Variants in LPAR6 observed in about 807,000 individuals in gnomAD.
LPAR6 encodes the protein G-protein coupled purinergic receptor P2Y5.
A neutral mutation model predicts 22.0 loss-of-function variants in LPAR6; 17 were observed. That is an observed-to-expected ratio of 0.77 (90% CI 0.53 to 1.16). The LOEUF (loss-of-function observed/expected upper bound fraction) is 1.16, where lower values mean the gene tolerates loss of function less well. Ranked by LOEUF, LPAR6 falls within the 50% of genes most tolerant of loss-of-function variation. The probability of loss-of-function intolerance (pLI) is 0.00; values close to 1 mark genes in which losing one functional copy is unlikely to be tolerated. For missense variants in LPAR6, 384 were observed against 406.9 expected (o/e 0.94, Z 0.48); for synonymous variants, 136 against 139.8 (o/e 0.97, Z 0.19).
downstream of LPAR6, among the ~76,000 whole-genome samples, chr13:48,409,570 A>ATT (rs5803435): frequency 6.7e-3 from 399 of 59,692 alleles, 53 homozygotes; most frequent in African/African-American, 0.023. Flanking sequence ...GAACTGCTTG[A>ATT]TTTTTTTTTT....
chr13:48,404,442 GA>G (rs11307004), intron 1 of LPAR6, among the ~76,000 whole-genome samples: 136,242 of 151,096 alleles, frequency 0.9, 62,549 homozygotes, highest in East Asian at 1. Flanking sequence ...AAAAAGAACA[GA>G]AAAAAAAAAT....
chr13:48,438,493 C>A (rs1949205509), intron 1 of LPAR6, among the ~76,000 whole-genome samples: 1 of 152,046 alleles, frequency 6.6e-6, no homozygotes, highest in South Asian at 2.1e-4. Context: ...TTTCATGGCA[C>A]CCTGTGTATT....
chr13:48,416,692 ACT>A (rs1240599621), upstream of LPAR6: 1 of 152,078 alleles, frequency 6.6e-6, no homozygotes, highest in Non-Finnish European at 1.5e-5. Context: ...CTGGCTTGAA[ACT>A]CTTACTGCCA....
At chr13:48,425,904 A>T (rs1047079618) in intron 1 of LPAR6, among the ~76,000 whole-genome samples, 7 of 152,220 alleles carry the variant, frequency 4.6e-5, no homozygotes, top group Non-Finnish European at 8.8e-5. Context: ...AGAAGTTGTG[A>T]CTTGCTTAGG....
chr13:48,413,476 A>T (rs74942095), upstream of LPAR6, among the ~76,000 whole-genome samples: 202 of 152,298 alleles, frequency 1.3e-3, no homozygotes, highest in African/African-American at 4.8e-3. Context: ...ATGGGTGTGT[A>T]TTTATAAATT....
upstream of LPAR6, among the ~76,000 whole-genome samples, chr13:48,414,210 A>C (rs2138212026): frequency 6.6e-6 from 1 of 152,142 alleles, no homozygotes; most frequent in Middle Eastern, 3.4e-3. Context: ...AGCCTAGGGC[A>C]ATAGTGCGTG....
chr13:48,411,328 A>G lies in LPAR6; in HGVS notation c.*61T>C. ...GTGGAAAAATAGTTTGTCCAAAAAGACACTTTTCACAGTTGAAGGAACTTG... is the reference window on the plus strand; with the variant it reads ...GTGGAAAAATAGTTTGTCCAAAAAGGCACTTTTCACAGTTGAAGGAACTTG... On this transcript the variant is annotated 3_prime_UTR_variant, in exon 1 of 1. Coordinates refer to ENST00000620633, the MANE Select transcript of LPAR6 (RefSeq NM_001162498.3). 7.5e-7 allele frequency: 1 copy of G among 1,340,864 alleles called. No individual in the cohort carries two copies. The highest frequency in any genetic ancestry group is 1.1e-6 in the Non-Finnish European group (1 of 938,334). The allele number at this position is 1,340,864 out of a possible 1,614,324, so 83.1% of individuals were successfully genotyped here.
At position 48,411,205 on chromosome 13, in the gene LPAR6, A is replaced by T. The variant is rs1948793412; in HGVS notation, c.*184T>A. 5.4e-6 allele frequency: 3 copies of T among 552,214 alleles called. No homozygotes were observed. The East Asian group carries it at 8.8e-5, about 16-fold the overall frequency. The allele number at this position is 552,214 out of a possible 1,614,324, so 34.2% of individuals were successfully genotyped here. A position where few individuals can be genotyped will look rare whatever the true frequency, so the allele number is the denominator to read the frequency against. On this transcript the variant is annotated 3_prime_UTR_variant, in exon 1 of 1. Transcript: ENST00000620633. ...GGCTCAGAAAAATCAGATGGAGTGGATACACAAATAAAATACATGTTAATG... is the reference window on the plus strand; with the variant it reads ...GGCTCAGAAAAATCAGATGGAGTGGTTACACAAATAAAATACATGTTAATG...
intron 1 of LPAR6, among the ~76,000 whole-genome samples, chr13:48,443,679 T>G (rs912699414): frequency 1.1e-4 from 16 of 152,222 alleles, no homozygotes; most frequent in African/African-American, 3.6e-4. Context: ...GTCAGTTTAG[T>G]GTTCAGGGCA....
chr13:48,396,578 T>C (rs1019819559), intron 1 of LPAR6, among the ~76,000 whole-genome samples: 2 of 152,278 alleles, frequency 1.3e-5, no homozygotes, highest in Non-Finnish European at 2.9e-5. Flanking sequence ...ATTCAGGACA[T>C]AGGCATGGGC....
chr13:48,392,205 G>T (rs1386001177), intron 1 of LPAR6, among the ~76,000 whole-genome samples: 1 of 151,974 alleles, frequency 6.6e-6, no homozygotes, highest in Non-Finnish European at 1.5e-5. Context: ...CTGCCTCCCA[G>T]GTTCAAGCGA....
At chr13:48,433,313 T>C (rs566382891) in intron 1 of LPAR6, among the ~76,000 whole-genome samples, 1 of 152,310 alleles carries the variant, frequency 6.6e-6, no homozygotes, top group East Asian at 1.9e-4. Flanking sequence ...TTTTAAAACA[T>C]TTAAAATTAT....
At chr13:48,442,903 C>A (rs1949252000) in intron 1 of LPAR6, among the ~76,000 whole-genome samples, 1 of 151,936 alleles carries the variant, frequency 6.6e-6, no homozygotes. Flanking sequence ...TACCCAACAC[C>A]ACAAAGTAAC....
At position 48,440,300 on chromosome 13, in the gene LPAR6, T is replaced by C. The variant is rs117967954; in HGVS notation, c.-1474+4253A>G. ...AAAATATTAACTATTTTTCCTGAGA[T>C]AGAAGTGGTTGAAATTTGGGAGATA... On this transcript the variant is annotated intron_variant, in intron 1 of 6. Coordinates refer to the LPAR6 transcript ENST00000378434. Among the ~76,000 whole-genome samples, 79 of 152,246 alleles carry C rather than the reference T, an allele frequency of 5.2e-4. 3 individuals carry two copies. In the East Asian group the frequency reaches 0.014, roughly 27 times the overall value.
At position 48,393,517 on chromosome 13, in the gene LPAR6, G is replaced by A. The variant is rs181263919; in HGVS notation, n.115-3705C>T. ...TAAAAAGAATTCTTTTATTTATGTT[G>A]TTCAATTTTGTGGTTGTTTAAACGA... On this transcript the variant is annotated intron_variant and non_coding_transcript_variant, in intron 1 of 1. Transcript: ENST00000462781. Among the ~76,000 whole-genome samples the A allele has an allele frequency of 1.7e-3, 253 of 152,248 alleles. 1 individual carries two copies. Among genetic ancestry groups the A allele is most frequent in the African/African-American group, 5.8e-3 (242 of 41,552 alleles).
chr13:48,433,944 G>A (rs1949157418), intron 1 of LPAR6, among the ~76,000 whole-genome samples: 1 of 151,346 alleles, frequency 6.6e-6, no homozygotes, highest in South Asian at 2.1e-4. Flanking sequence ...GGCTGGTCTT[G>A]AACTCCTGGA....
Position 48,411,727 on chromosome 13 carries a change from CA to C in LPAR6, c.696del (p.Phe232LeufsTer4). 1 of 1,607,330 alleles carries C rather than the reference CA, an allele frequency of 6.2e-7. No homozygotes were observed. Among genetic ancestry groups the C allele is most frequent in the South Asian group, 1.1e-5 (1 of 90,874 alleles). On this transcript the variant is annotated frameshift_variant, in exon 1 of 1. Transcript: ENST00000620633. LOFTEE classifies it high-confidence loss of function. ...CAGAAACAGAATATGATCAAATGTA[CA>C]AAAATCATTTTTAAAACCTTAGTTT... ...INKTKVLKMI[F>X]VHLIIFCFCF...
intron 1 of LPAR6, among the ~76,000 whole-genome samples, chr13:48,399,314 A>G: frequency 6.6e-6 from 1 of 152,050 alleles, no homozygotes; most frequent in Non-Finnish European, 1.5e-5. Flanking sequence ...AACGACAAAG[A>G]AGGGAAAATA....
In LPAR6 at chr13:48,393,053, G is replaced by A. The variant is rs372686296; in HGVS notation, n.115-3241C>T. Among the ~76,000 whole-genome samples the A allele has an allele frequency of 1.4e-4, 21 of 152,166 alleles. 1 individual carries two copies. In the South Asian group the frequency reaches 4.4e-3, roughly 32 times the overall value. On this transcript the variant is annotated intron_variant and non_coding_transcript_variant, in intron 1 of 1. Transcript: ENST00000462781. The stretch of plus-strand genomic sequence containing the variant: ...GCATTGCTCTTCTGAGTACTCTACT[G>A]AATATCCCATATATGACAAGGTTTT...
Sources: gnomAD v4.1 joint callset for allele counts (sites outside exome capture counted in the v4.1 genomes callset) on GRCh38, gnomAD v4.1.1 for gene constraint, MANE v1.5 for transcripts, NCBI Gene and HGNC (gene_info 2026-07-23, HGNC 2026-07-21) for gene names.